Variants in TBC1D1 observed in about 807,000 individuals in gnomAD.
TBC1D1 encodes the protein TBC1 domain family member 1.
In TBC1D1, 89 loss-of-function variants were observed where a neutral mutation model predicts 125.6. The observed-to-expected ratio is 0.71, with a 90% confidence interval of 0.60 to 0.85. The LOEUF is 0.85. Ranked by LOEUF, TBC1D1 falls within the 40% of genes least tolerant of loss-of-function variation. The pLI is 0.00. For missense variants in TBC1D1, 1,377 were observed against 1,469.2 expected, an observed-to-expected ratio of 0.94 and a Z score of 1.03; for synonymous variants, 565 against 564.1, an observed-to-expected ratio of 1.00 and a Z score of -0.02.
intron 2 of TBC1D1, among the ~76,000 whole-genome samples, chr4:37,984,841 C>CAA (rs774568817): frequency 1.6e-4 from 15 of 93,004 alleles, no homozygotes; most frequent in Non-Finnish European, 2.5e-4. Context: ...GACCCTGTCT[C>CAA]AAAAAAAAAA....
rs183634583 is a variant in TBC1D1 at position 37,992,555 on chromosome 4, C to T, written c.418-21954C>T. On this transcript the variant is annotated intron_variant, in intron 2 of 19. Transcript: ENST00000261439. Reference sequence around the variant, plus strand: ...TATCACCCAGGCTGGAGTGCAGTGGCGCGATCTTGGCTCACTGCAAGCTCC... The same window carrying T: ...TATCACCCAGGCTGGAGTGCAGTGGTGCGATCTTGGCTCACTGCAAGCTCC... Among the ~76,000 whole-genome samples, 35 of 141,366 alleles carry T rather than the reference C, an allele frequency of 2.5e-4. No individual in the cohort carries two copies. In the East Asian group the frequency reaches 4.8e-3, roughly 19 times the overall value. 92.7% of individuals were successfully genotyped at this position (141,366 alleles called of 152,430 possible). A position where few individuals can be genotyped will look rare whatever the true frequency, so the allele number is the denominator to read the frequency against.
intron 2 of TBC1D1, among the ~76,000 whole-genome samples, chr4:37,958,191 A>G (rs1490135407): frequency 6.6e-6 from 1 of 151,960 alleles, no homozygotes; most frequent in Non-Finnish European, 1.5e-5. Context: ...GTTGTCTAGG[A>G]AAAAAGTATG....
chr4:37,970,909 G>T (rs548879011), intron 2 of TBC1D1, among the ~76,000 whole-genome samples: 13 of 151,702 alleles, frequency 8.6e-5, no homozygotes, highest in Admixed American at 2.6e-4. Flanking sequence ...GCAGAGTGAG[G>T]TCATTCTTTT....
intron 2 of TBC1D1, among the ~76,000 whole-genome samples, chr4:37,942,352 CT>C (rs569587262): frequency 6.6e-6 from 1 of 151,732 alleles, no homozygotes; most frequent in Non-Finnish European, 1.5e-5. Flanking sequence ...CAACCCCTGC[CT>C]TTTTTTTGTT....
chr4:38,052,728 GCACACACACACACA>G (rs56153191), intron 11 of TBC1D1, among the ~76,000 whole-genome samples: 45 of 118,344 alleles, frequency 3.8e-4, no homozygotes, highest in African/African-American at 1.3e-3. Context: ...GCGCGCGCGC[GCACACACACACACA>G]CACACACACA....
At position 38,090,129 on chromosome 4, in the gene TBC1D1, A is replaced by G. The variant is rs1758186845; in HGVS notation, c.2236+12A>G. ...TCAGAAGCTCCAAGGTTGGTTTGCC[A>G]TCTTGATATTGAACAGGCCTGGTCT... On this transcript the variant is annotated intron_variant, in intron 13 of 19. Coordinates refer to ENST00000261439, the MANE Select transcript of TBC1D1 (RefSeq NM_015173.4). 2 of 1,613,780 alleles carry G rather than the reference A, an allele frequency of 1.2e-6. No homozygotes were observed. The highest frequency in any genetic ancestry group is 1.7e-5 in the Admixed American group (1 of 59,946).
intron 17 of TBC1D1, 175 bp downstream of exon 19, chr4:38,118,367 T>C (rs1763312958): frequency 3.1e-6 from 2 of 649,432 alleles, no homozygotes; most frequent in Non-Finnish European, 2.6e-6. Flanking sequence ...GAGTCCTCCT[T>C]AACTTCTGAT....
chr4:38,062,341 C>T (rs1214486647), intron 12 of TBC1D1, among the ~76,000 whole-genome samples: 1 of 151,232 alleles, frequency 6.6e-6, no homozygotes, highest in African/African-American at 2.4e-5. Flanking sequence ...TCATTTGCAA[C>T]TTATTTGAAT....
At chr4:37,981,714 G>C (rs1734367882) in intron 2 of TBC1D1, among the ~76,000 whole-genome samples, 1 of 152,162 alleles carries the variant, frequency 6.6e-6, no homozygotes, top group Non-Finnish European at 1.5e-5. Context: ...GAGTGGGGAG[G>C]GGTAAGGTGG....
intron 12 of TBC1D1, among the ~76,000 whole-genome samples, chr4:38,065,499 GA>G (rs1753556862): frequency 6.6e-6 from 1 of 152,180 alleles, no homozygotes; most frequent in African/African-American, 2.4e-5. Context: ...TATGGCAGGG[GA>G]TGAAACAGGC....
intron 18 of TBC1D1, 104 bp downstream of exon 20, chr4:38,125,235 A>G: frequency 1.8e-6 from 2 of 1,140,666 alleles, no homozygotes; most frequent in Non-Finnish European, 2.5e-6. Flanking sequence ...TGTGTTCTGA[A>G]CGGCATTCTG....
chr4:38,034,770 A>G (rs548185271), intron 7 of TBC1D1, among the ~76,000 whole-genome samples: 1 of 152,346 alleles, frequency 6.6e-6, no homozygotes, highest in South Asian at 2.1e-4. Flanking sequence ...TAGACTAAAA[A>G]CTTTGTGTAT....
chr4:37,917,347 C>T (rs1013410604), intron 2 of TBC1D1, among the ~76,000 whole-genome samples: 5 of 151,824 alleles, frequency 3.3e-5, no homozygotes, highest in South Asian at 2.1e-4. Flanking sequence ...TGGTGGCAGG[C>T]GCCTGTAATC....
At chr4:37,900,296 A>G (rs1715640326) in intron 1 of TBC1D1, among the ~76,000 whole-genome samples, 1 of 152,158 alleles carries the variant, frequency 6.6e-6, no homozygotes, top group South Asian at 2.1e-4. Context: ...GGCCTTACAA[A>G]CCAGGAATGG....
chr4:38,051,630 C>T (rs926833208), intron 11 of TBC1D1, among the ~76,000 whole-genome samples: 3 of 150,682 alleles, frequency 2.0e-5, no homozygotes, highest in African/African-American at 7.3e-5. Flanking sequence ...AGAGTGAGAC[C>T]TATTAAAAAA....
intron 8 of TBC1D1, among the ~76,000 whole-genome samples, chr4:38,039,104 C>CTCTT (rs1747808180): frequency 1.9e-5 from 1 of 51,542 alleles, no homozygotes; most frequent in Non-Finnish European, 3.8e-5. Context: ...GCATCATACT[C>CTCTT]TTTTTTTTTT....
At chr4:38,104,985 G>C (rs1028810922) in intron 15 of TBC1D1, among the ~76,000 whole-genome samples, 7 of 152,052 alleles carry the variant, frequency 4.6e-5, no homozygotes, top group East Asian at 1.9e-4. Context: ...TCAATCTCCT[G>C]ACCTCGTGAT....
intron 8 of TBC1D1, among the ~76,000 whole-genome samples, chr4:38,040,879 C>CT: frequency 6.6e-6 from 1 of 152,216 alleles, no homozygotes; most frequent in East Asian, 1.9e-4. Flanking sequence ...CTGAGTGAGT[C>CT]TGTTACCTTA....
At chr4:37,909,593 T>C (rs1358792321) in intron 2 of TBC1D1, among the ~76,000 whole-genome samples, 1 of 152,190 alleles carries the variant, frequency 6.6e-6, no homozygotes, top group Non-Finnish European at 1.5e-5. Context: ...GCATTTTGTT[T>C]CTGAGGGTGA....
Sources: allele counts gnomAD v4.1 joint callset (sites outside exome capture counted in the v4.1 genomes callset), GRCh38; gene constraint gnomAD v4.1.1; transcripts MANE v1.5; gene names NCBI Gene and HGNC (gene_info 2026-07-23, HGNC 2026-07-21).